SCFD2: variants seen among roughly 807,000 people sequenced by gnomAD.
The protein encoded by SCFD2 is sec1 family domain-containing protein 2.
SCFD2 carries 54 observed loss-of-function variants against 58.9 expected under a neutral mutation model. The ratio of observed to expected loss-of-function variants is 0.92; its 90% confidence interval spans 0.74 to 1.15. The LOEUF is 1.15. SCFD2 is among the 50% of genes most tolerant of loss of function. The pLI, the probability that SCFD2 is intolerant of heterozygous loss-of-function variation, is 0.00. For synonymous variants in SCFD2, 321 were observed against 335.9 expected (o/e 0.96, Z 0.49); for missense variants, 805 against 836.6 (o/e 0.96, Z 0.47).
intron 5 of SCFD2, among the ~76,000 whole-genome samples, chr4:53,102,234 T>A (rs1487943961): frequency 6.6e-6 from 1 of 152,186 alleles, no homozygotes; most frequent in Non-Finnish European, 1.5e-5. Context: ...TTTCATCCAT[T>A]CCTCATGTCA....
intron 2 of SCFD2, among the ~76,000 whole-genome samples, chr4:53,342,377 A>C (rs537720533): frequency 6.6e-6 from 1 of 152,126 alleles, no homozygotes; most frequent in Non-Finnish European, 1.5e-5. Flanking sequence ...TTACATAATG[A>C]TAAAGGGATC....
chr4:53,270,111 T>C (rs554071149), intron 4 of SCFD2, among the ~76,000 whole-genome samples: 48 of 152,290 alleles, frequency 3.2e-4, no homozygotes, highest in Non-Finnish European at 5.6e-4. Flanking sequence ...ATCCAGCGAT[T>C]TGTATGTGTG....
At chr4:53,301,946 G>A (rs1426631883) in intron 3 of SCFD2, among the ~76,000 whole-genome samples, 9 of 152,092 alleles carry the variant, frequency 5.9e-5, no homozygotes, top group South Asian at 2.1e-4. Context: ...TTGATGGGAC[G>A]TATCTCAAAA....
At position 53,365,493 on chromosome 4, in the gene SCFD2, G is replaced by A. The variant is rs764734956; in HGVS notation, c.449C>T (p.Thr150Met). 2 of 1,614,058 alleles carry A rather than the reference G, an allele frequency of 1.2e-6. No individual in the cohort carries two copies. The highest frequency in any genetic ancestry group is 2.2e-5 in the East Asian group (1 of 44,900). ...TAACGGGACATGGAACACCTCGGCC[G>A]TGTAGTTCATGTTGCCCATCCATTC... ...LCEWMGNMNY[T>M]AEVFHVPLLL... Residue 150 changes from threonine to methionine, a missense_variant, in exon 1 of 9, where the codon ACG (threonine) becomes ATG (methionine). By Grantham distance (81) the Thr-to-Met change is moderately conservative. Coordinates refer to ENST00000401642, the MANE Select transcript of SCFD2 (RefSeq NM_152540.4). This position sits in a 1 kb window ranked among gnomAD's most constrained non-coding sequence, Gnocchi z 4.3.
chr4:52,971,018 C>T lies in SCFD2; in HGVS notation c.1562-50148G>A, dbSNP rs564607280. 7.2e-5 allele frequency among the ~76,000 whole-genome samples: 11 copies of T among 152,260 alleles called. No homozygotes were observed. The South Asian group carries it at 1.2e-3, about 17-fold the overall frequency. Reference sequence around the variant, plus strand: ...CATCCACACCAAAACCCTATCTGTACGTCACCATCATCAAAGACCAAAGGT... The same window carrying T: ...CATCCACACCAAAACCCTATCTGTATGTCACCATCATCAAAGACCAAAGGT... On this transcript the variant is annotated intron_variant, in intron 5 of 8. Transcript: ENST00000401642.
chr4:53,346,849 G>T (rs1734072011), intron 2 of SCFD2, among the ~76,000 whole-genome samples: 2 of 152,166 alleles, frequency 1.3e-5, no homozygotes, highest in South Asian at 2.1e-4. Context: ...TTCTTTCCTA[G>T]AAGTGAGAAC....
intron 5 of SCFD2, among the ~76,000 whole-genome samples, chr4:53,083,148 G>T (rs1432496414): frequency 6.6e-6 from 1 of 152,050 alleles, no homozygotes; most frequent in African/African-American, 2.4e-5. Context: ...AAAGTTTTGA[G>T]GTGCATGCTA....
intron 5 of SCFD2, among the ~76,000 whole-genome samples, chr4:53,129,264 GA>G (rs989619671): frequency 6.6e-6 from 1 of 151,398 alleles, no homozygotes; most frequent in African/African-American, 2.4e-5. Flanking sequence ...AAAACGAACA[GA>G]AAAAAATAGA....
At chr4:53,306,137 G>A (rs949733232) in intron 3 of SCFD2, among the ~76,000 whole-genome samples, 3 of 152,154 alleles carry the variant, frequency 2.0e-5, no homozygotes, top group African/African-American at 7.2e-5. Flanking sequence ...AGAAAATGTT[G>A]GGAGAGAACT....
chr4:53,301,127 C>T (rs1398930020), intron 3 of SCFD2, among the ~76,000 whole-genome samples: 2 of 151,992 alleles, frequency 1.3e-5, no homozygotes, highest in African/African-American at 4.8e-5. Context: ...AATAGAGACA[C>T]AAAAAACCCT....
chr4:53,040,162 C>T (rs1722860711), intron 5 of SCFD2, among the ~76,000 whole-genome samples: 2 of 152,088 alleles, frequency 1.3e-5, no homozygotes. Context: ...GAGTTGAATT[C>T]TCCCTCAGAC....
intron 5 of SCFD2, among the ~76,000 whole-genome samples, chr4:53,133,113 G>A (rs1725837676): frequency 6.6e-6 from 1 of 152,084 alleles, no homozygotes; most frequent in South Asian, 2.1e-4. Flanking sequence ...TGGATCACAA[G>A]GTCAGGAGAT....
In SCFD2 at chr4:53,306,754, T is replaced by C. The variant is rs1450219475; in HGVS notation, c.1135+6882A>G. ...AAAGGCATCCATAAAAAGAGCTGTG[T>C]GTCCTTAGAAGCCAGAGCAATTTAT... On this transcript the variant is annotated intron_variant, in intron 3 of 8. Transcript: ENST00000401642. Among the ~76,000 whole-genome samples, 4 of 152,224 alleles carry C rather than the reference T, an allele frequency of 2.6e-5. No individual in the cohort carries two copies. The South Asian group carries it at 6.2e-4, about 24-fold the overall frequency.
At chr4:53,310,999 T>C (rs1188843572) in intron 3 of SCFD2, among the ~76,000 whole-genome samples, 1 of 152,210 alleles carries the variant, frequency 6.6e-6, no homozygotes, top group African/African-American at 2.4e-5. Flanking sequence ...TTAAAATATA[T>C]GTTATAGTTT....
intron 5 of SCFD2, among the ~76,000 whole-genome samples, chr4:53,097,478 T>C (rs532108899): frequency 2.0e-5 from 3 of 152,332 alleles, no homozygotes; most frequent in Admixed American, 2.0e-4. Context: ...TTTGAAGCAA[T>C]TGTGAATAGG....
At chr4:52,926,348 G>A (rs762707382) in intron 5 of SCFD2, among the ~76,000 whole-genome samples, 2 of 152,012 alleles carry the variant, frequency 1.3e-5, no homozygotes, top group Non-Finnish European at 2.9e-5. Flanking sequence ...TCGAGCTGAA[G>A]TAGCCCTTAC....
intron 4 of SCFD2, among the ~76,000 whole-genome samples, chr4:53,169,098 G>A (rs777861560): frequency 8.5e-5 from 13 of 152,190 alleles, no homozygotes; most frequent in East Asian, 1.9e-4. Context: ...TGCATAGGCC[G>A]GGCGTGGTGG....
At chr4:53,235,742 G>A (rs983218803) in intron 4 of SCFD2, among the ~76,000 whole-genome samples, 5 of 152,180 alleles carry the variant, frequency 3.3e-5, no homozygotes, top group African/African-American at 1.2e-4. Flanking sequence ...CTGTATGTAA[G>A]CCTGATATGT....
chr4:53,183,060 T>C (rs1727625857), intron 4 of SCFD2, among the ~76,000 whole-genome samples: 1 of 152,190 alleles, frequency 6.6e-6, no homozygotes, highest in South Asian at 2.1e-4. Context: ...GGTGAGCCTG[T>C]AAACTAGTTC....
Sources: gnomAD v4.1 joint callset for allele counts (sites outside exome capture counted in the v4.1 genomes callset) on GRCh38, gnomAD v4.1.1 for gene constraint, Gnocchi (gnomAD v3.1) non-coding constraint, MANE v1.5 for transcripts, NCBI Gene and HGNC (gene_info 2026-07-23, HGNC 2026-07-21) for gene names.